PHF21B: variants seen among roughly 807,000 people sequenced by gnomAD.
The protein encoded by PHF21B is PHD finger protein 4.
In PHF21B, 22 loss-of-function variants were observed where a neutral mutation model predicts 62.2. The observed-to-expected ratio is 0.35, with a 90% CI of 0.25 to 0.51. PHF21B has a LOEUF of 0.51. PHF21B is among the 20% of genes least tolerant of loss of function. The probability of loss-of-function intolerance (pLI) is 0.97; values close to 1 mark genes in which losing one functional copy is unlikely to be tolerated. For synonymous variants in PHF21B, 341 were observed against 314.7 expected (o/e 1.08, Z -0.88); for missense variants, 701 against 707.9 (o/e 0.99, Z 0.11).
chr22:44,887,981 G>A lies in PHF21B; in HGVS notation c.1179C>T (p.Cys393=), dbSNP rs747976416. ...CCTGTACCTTCTGCTGGCACCTGGG[G>A]CACACCCACACGCCCTTGGGCGCCG... The part of the protein sequence containing the change: ...LKTAPKGVWV[C]PRCQQKALKK... Residue 393 remains cysteine, a synonymous_variant, in exon 10 of 13, where the codon TGC becomes TGT. Transcript: ENST00000313237. 7.1e-6 allele frequency: 11 copies of A among 1,549,376 alleles called. No homozygotes were observed. Among genetic ancestry groups the A allele is most frequent in the Non-Finnish European group, 9.6e-6 (11 of 1,147,654 alleles).
At chr22:44,896,561 C>T (rs1279147351) in intron 5 of PHF21B, among the ~76,000 whole-genome samples, 1 of 152,210 alleles carries the variant, frequency 6.6e-6, no homozygotes, top group African/African-American at 2.4e-5. Flanking sequence ...TGTCACATAA[C>T]ACGTCACTGG....
At chr22:44,911,966 T>C (rs1389498151) in intron 5 of PHF21B, among the ~76,000 whole-genome samples, 2 of 152,222 alleles carry the variant, frequency 1.3e-5, no homozygotes, top group African/African-American at 4.8e-5. Context: ...TGCTCAAGGC[T>C]GTGGAAGCCC....
intron 5 of PHF21B, among the ~76,000 whole-genome samples, chr22:44,911,804 T>C (rs1245820663): frequency 2.6e-5 from 4 of 152,178 alleles, no homozygotes; most frequent in Non-Finnish European, 1.5e-5. Context: ...CTAGTGGAGC[T>C]ATGAGAAGAG....
chr22:44,996,097 G>A (rs536955435), intron 2 of PHF21B, among the ~76,000 whole-genome samples: 1 of 152,270 alleles, frequency 6.6e-6, no homozygotes, highest in Admixed American at 6.5e-5. Context: ...CAGCGGCACA[G>A]GGCCCATGCC....
At chr22:44,986,267 C>G (rs1364344546) in intron 2 of PHF21B, among the ~76,000 whole-genome samples, 1 of 151,470 alleles carries the variant, frequency 6.6e-6, no homozygotes, top group African/African-American at 2.4e-5. Context: ...CCATCACCAG[C>G]AGCACCATCA....
intron 2 of PHF21B, among the ~76,000 whole-genome samples, chr22:44,924,480 G>C (rs773874158): frequency 1.3e-5 from 2 of 152,176 alleles, no homozygotes; most frequent in East Asian, 3.9e-4. Flanking sequence ...TGGGGCCTCC[G>C]GGAGGTGATC....
intron 2 of PHF21B, among the ~76,000 whole-genome samples, chr22:44,969,697 G>A (rs547060178): frequency 6.6e-6 from 1 of 152,182 alleles, no homozygotes; most frequent in East Asian, 1.9e-4. Context: ...GAAAAATGGA[G>A]CCATTTGAGG....
chr22:44,954,489 C>T (rs2072255468), intron 2 of PHF21B, among the ~76,000 whole-genome samples: 1 of 152,256 alleles, frequency 6.6e-6, no homozygotes, highest in African/African-American at 2.4e-5. Flanking sequence ...GGTCCAGCTG[C>T]TCCACCCTAG....
chr22:44,892,667 T>C (rs949837275), intron 7 of PHF21B, among the ~76,000 whole-genome samples: 1 of 152,134 alleles, frequency 6.6e-6, no homozygotes, highest in African/African-American at 2.4e-5. Context: ...ATGGCTTCCA[T>C]CCCAGAGAAA....
chr22:44,930,511 T>C lies in PHF21B; in HGVS notation c.121-10021A>G, dbSNP rs1363588002. Among the ~76,000 whole-genome samples the C allele has an allele frequency of 2.1e-5, 3 of 141,846 alleles. No homozygotes were observed. The Admixed American group carries it at 2.2e-4, about 11-fold the overall frequency. The allele number at this position is 141,846 out of a possible 152,430, so 93.1% of individuals were successfully genotyped here. A position where few individuals can be genotyped will look rare whatever the true frequency, so the allele number is the denominator to read the frequency against. On this transcript the variant is annotated intron_variant, in intron 2 of 12. Transcript: ENST00000313237. The stretch of plus-strand genomic sequence containing the variant: ...CACCTTGCAAGCTGGACCGGAATGT[T>C]ACCAGTGGGCAGTCAGGAAAGCACA...
At chr22:44,929,899 G>A (rs891385396) in intron 2 of PHF21B, among the ~76,000 whole-genome samples, 2 of 152,178 alleles carry the variant, frequency 1.3e-5, no homozygotes, top group African/African-American at 4.8e-5. Flanking sequence ...TCGAAGATGA[G>A]GTGAGGCAGC....
chr22:44,906,844 A>T (rs1429432737), intron 5 of PHF21B, among the ~76,000 whole-genome samples: 1 of 152,140 alleles, frequency 6.6e-6, no homozygotes, highest in Non-Finnish European at 1.5e-5. Context: ...CTCAGTGGTG[A>T]TCAGAGTGGG....
intron 2 of PHF21B, among the ~76,000 whole-genome samples, chr22:44,998,806 T>C (rs2073163226): frequency 6.6e-6 from 1 of 152,130 alleles, no homozygotes. Context: ...CTCTCTCTAC[T>C]CAACTCCTGG....
intron 2 of PHF21B, among the ~76,000 whole-genome samples, chr22:44,930,883 C>T (rs920258216): frequency 2.0e-5 from 3 of 152,220 alleles, no homozygotes; most frequent in East Asian, 1.9e-4. Context: ...AACAGCTGTC[C>T]GGGGCCTGCA....
At chr22:44,900,637 A>G (rs2071141631) in intron 5 of PHF21B, among the ~76,000 whole-genome samples, 1 of 152,170 alleles carries the variant, frequency 6.6e-6, no homozygotes, top group African/African-American at 2.4e-5. Context: ...TTTAAACTTG[A>G]AGGACAGCTT....
At chr22:44,972,775 C>T (rs2072663979) in intron 2 of PHF21B, among the ~76,000 whole-genome samples, 1 of 152,266 alleles carries the variant, frequency 6.6e-6, no homozygotes, top group Admixed American at 6.5e-5. Flanking sequence ...GCCCCTCTCC[C>T]TGTCCCAAAG....
intron 2 of PHF21B, among the ~76,000 whole-genome samples, chr22:44,966,275 C>T (rs889844798): frequency 1.3e-5 from 2 of 152,242 alleles, no homozygotes; most frequent in Non-Finnish European, 2.9e-5. Flanking sequence ...CTGCTGCTCA[C>T]TGAGCTTCAA....
chr22:44,933,844 C>T (rs1225407666), intron 2 of PHF21B, among the ~76,000 whole-genome samples: 1 of 152,106 alleles, frequency 6.6e-6, no homozygotes, highest in African/African-American at 2.4e-5. Context: ...AAGGGTTTTC[C>T]GGGCACAGTA....
At chr22:44,999,350 GA>G (rs2073172503) in intron 2 of PHF21B, among the ~76,000 whole-genome samples, 1 of 152,002 alleles carries the variant, frequency 6.6e-6, no homozygotes, top group Non-Finnish European at 1.5e-5. Context: ...GGAGGAGGAG[GA>G]AACCCCCCAG....
Sources: allele counts gnomAD v4.1 joint callset (sites outside exome capture counted in the v4.1 genomes callset), GRCh38; gene constraint gnomAD v4.1.1; transcripts MANE v1.5; gene names NCBI Gene and HGNC (gene_info 2026-07-23, HGNC 2026-07-21).